SLC25A42: variants seen among roughly 807,000 people sequenced by gnomAD.
The protein encoded by SLC25A42 is solute carrier family 25 member 42, also known as mitochondrial coenzyme A transporter SLC25A42.
SLC25A42 carries 19 observed loss-of-function variants against 34.7 expected under a neutral mutation model. That is an observed-to-expected ratio of 0.55 (90% CI 0.38 to 0.80). SLC25A42 has a LOEUF of 0.80. Among genes scored for constraint, SLC25A42 ranks in the 30% least tolerant of loss-of-function variants. The pLI, the probability that SLC25A42 is intolerant of heterozygous loss-of-function variation, is 0.00. For missense variants in SLC25A42, 364 were observed against 441.3 expected (o/e 0.82, Z 1.57); for synonymous variants, 205 against 191.2 (o/e 1.07, Z -0.59).
At chr19:19,104,773 T>C in intron 3 of SLC25A42, 140 bp from the exon 4 acceptor site, 1 of 908,052 alleles carries the variant, frequency 1.1e-6, no homozygotes, top group South Asian at 1.5e-5. Flanking sequence ...GGCTTGGGTG[T>C]CAGCTCAGCT....
chr19:19,106,466 A>T, intron 6 of SLC25A42, 81 bp downstream of exon 6: 1 of 1,178,378 alleles, frequency 8.5e-7, no homozygotes. Flanking sequence ...CCCTCTCTCT[A>T]TCGGGCCCCA....
chr19:19,110,663 T>G lies in SLC25A42; in HGVS notation c.744T>G (p.Asp248Glu). The G allele has an allele frequency of 6.4e-7, 1 of 1,560,428 alleles. No individual in the cohort carries two copies. The highest frequency in any genetic ancestry group is 8.7e-7 in the Non-Finnish European group (1 of 1,153,572). ...GGCAGTCGGCCTCGTACCCGCTGGA[T>G]GTGGTGCGGCGGCGCATGCAGACGG... is the stretch of plus-strand genomic sequence containing the variant. ...LIGQSASYPLDVVRRRMQTAG... is the reference protein window; with the variant it reads ...LIGQSASYPLEVVRRRMQTAG... Residue 248 changes from aspartate (D) to glutamate (E), a missense_variant, in exon 8 of 8, where the codon GAT becomes GAG. Coordinates refer to ENST00000318596, the MANE Select transcript of SLC25A42 (RefSeq NM_178526.5).
chr19:19,105,694 G>C lies in SLC25A42; in HGVS notation c.347G>C (p.Arg116Pro). ...TTCAGCGCACACGAGGAGTACAAGC[G>C]CATCCTGGGCAGCTACTATGGCTTC... Reference protein sequence around the residue: ...IQFSAHEEYKRILGSYYGFRG... With the variant: ...IQFSAHEEYKPILGSYYGFRG... The change falls in exon 5 of 8, where the codon CGC (arginine) becomes CCC (proline). Residue 116 changes from arginine (R) to proline (P), a missense_variant. Transcript: ENST00000318596. The C allele has an allele frequency of 6.2e-7, 1 of 1,604,216 alleles. No homozygotes were observed. Among genetic ancestry groups the C allele is most frequent in the East Asian group, 2.2e-5 (1 of 44,468 alleles).
chr19:19,088,923 T>A (rs1159970765), intron 1 of SLC25A42, among the ~76,000 whole-genome samples: 1 of 152,058 alleles, frequency 6.6e-6, no homozygotes, highest in Non-Finnish European at 1.5e-5. Flanking sequence ...TTCTTCTGCC[T>A]CGGCCTCTCA....
chr19:19,064,328 A>C (rs1599658504), intron 1 of SLC25A42, among the ~76,000 whole-genome samples: 2 of 145,234 alleles, frequency 1.4e-5, no homozygotes, highest in Admixed American at 7.0e-5. Flanking sequence ...GACATCCCCC[A>C]TACACTTTAG....
At chr19:19,074,739 G>T (rs781614127) in intron 1 of SLC25A42, among the ~76,000 whole-genome samples, 14 of 152,016 alleles carry the variant, frequency 9.2e-5, no homozygotes, top group Non-Finnish European at 1.6e-4. Flanking sequence ...GTGTGTGTGA[G>T]TGTATGTGTG....
chr19:19,083,356 C>T (rs1205377544), intron 1 of SLC25A42, among the ~76,000 whole-genome samples: 1 of 152,232 alleles, frequency 6.6e-6, no homozygotes, highest in Admixed American at 6.5e-5. Flanking sequence ...TAAAAATTCC[C>T]TTTTGTCATG....
chr19:19,095,763 G>A (rs2059761207), intron 1 of SLC25A42, among the ~76,000 whole-genome samples: 2 of 152,218 alleles, frequency 1.3e-5, no homozygotes, highest in South Asian at 4.1e-4. Context: ...CAGTGGTGTT[G>A]GCACTGAGCA....
intron 1 of SLC25A42, among the ~76,000 whole-genome samples, chr19:19,066,329 G>A (rs1421096030): frequency 6.6e-6 from 1 of 152,142 alleles, no homozygotes; most frequent in Non-Finnish European, 1.5e-5. Context: ...AGGGGTCGGG[G>A]GAGGTATATA....
At chr19:19,070,012 G>A (rs529601260) in intron 1 of SLC25A42, among the ~76,000 whole-genome samples, 2 of 151,678 alleles carry the variant, frequency 1.3e-5, no homozygotes, top group African/African-American at 4.8e-5. Context: ...TTATTTTTTT[G>A]AGACAGAGTC....
At chr19:19,065,498 A>G (rs947884850) in intron 1 of SLC25A42, among the ~76,000 whole-genome samples, 4 of 152,206 alleles carry the variant, frequency 2.6e-5, no homozygotes, top group Middle Eastern at 3.2e-3. Flanking sequence ...GAAGGAGGAC[A>G]GTGGCTTTGT....
chr19:19,101,732 C>A (rs371442537), intron 2 of SLC25A42, 49 bp from the exon 3 acceptor site: 8 of 1,537,382 alleles, frequency 5.2e-6, no homozygotes, highest in Non-Finnish European at 7.1e-6. Flanking sequence ...AGGTCCTCTG[C>A]GGAGCCGCCC....
chr19:19,081,947 TG>T lies in SLC25A42; in HGVS notation c.-34-14142del, dbSNP rs1293844466. 1.3e-5 allele frequency among the ~76,000 whole-genome samples: 2 copies of T among 152,198 alleles called. No individual in the cohort carries two copies. The highest frequency in any genetic ancestry group is 2.9e-5 in the Non-Finnish European group (2 of 68,030). On this transcript the variant is annotated intron_variant, in intron 1 of 7. Coordinates refer to ENST00000318596, the MANE Select transcript of SLC25A42 (RefSeq NM_178526.5). This position sits in a 1 kb window ranked among gnomAD's most constrained non-coding sequence, Gnocchi z 4.5. Reference sequence around the variant, plus strand: ...GAGGCCGACCTGATCACCTGGTCACTGGTCGCAAGTCTGGGTACACGTTGTC... The same window carrying T: ...GAGGCCGACCTGATCACCTGGTCACTGTCGCAAGTCTGGGTACACGTTGTC...
chr19:19,105,464 G>T, intron 4 of SLC25A42, 97 bp from the exon 5 acceptor site: 1 of 1,448,446 alleles, frequency 6.9e-7, no homozygotes, highest in Non-Finnish European at 9.4e-7. Context: ...GGTCACCCCG[G>T]CCCCGCCTCC....
rs1469206946 is a variant in SLC25A42, at chr19:19,110,507, C to CGGGCGCG, written c.650-59_650-58insCGCGGGG. 3 of 1,340,906 alleles carry CGGGCGCG rather than the reference C, an allele frequency of 2.2e-6. No individual in the cohort carries two copies. In the African/African-American group the frequency reaches 4.7e-5, roughly 21 times the overall value. The allele number at this position is 1,340,906 out of a possible 1,614,324, so 83.1% of individuals were successfully genotyped here. A position where few individuals can be genotyped will look rare whatever the true frequency, so the allele number is the denominator to read the frequency against. ...TCCTAGGGGTGCAAAGGCGCGCGCA[C>CGGGCGCG]GGGTGCGGGGTGCGCGCCCCCTCGC... On this transcript the variant is annotated intron_variant, in intron 7 of 7. Coordinates refer to ENST00000318596, the MANE Select transcript of SLC25A42 (RefSeq NM_178526.5).
Position 19,106,284 on chromosome 19 carries a change from G to T in SLC25A42, c.396G>T (p.Trp132Cys). 1 of 1,612,198 alleles carries T rather than the reference G, an allele frequency of 6.2e-7. No individual in the cohort carries two copies. Reference sequence around the variant, plus strand: ...CCCTGTTCAGAGCCCTGCCCCCTTGGCCTCGCCTCTTCGCCGGCGCACTGG... The same window carrying T: ...CCCTGTTCAGAGCCCTGCCCCCTTGTCCTCGCCTCTTCGCCGGCGCACTGG... ...YGFRGEALPP[W>C]PRLFAGALAG... Residue 132 changes from tryptophan to cysteine, a missense_variant, in exon 6 of 8, where the codon TGG (tryptophan) becomes TGT (cysteine). By Grantham distance (215) the Trp-to-Cys change is radical. Transcript: ENST00000318596.
intron 2 of SLC25A42, among the ~76,000 whole-genome samples, chr19:19,098,247 G>A (rs1401466762): frequency 6.6e-6 from 1 of 152,150 alleles, no homozygotes; most frequent in African/African-American, 2.4e-5. Flanking sequence ...CGTCCTCCAG[G>A]TGCCACTGGT....
chr19:19,081,208 A>G lies in SLC25A42; in HGVS notation c.-34-14883A>G, dbSNP rs2059680013. ...GGGAAGAAGGAGAAATACCCTCCCC[A>G]CAGACTTGTCATTGGGGCACATTTC... On this transcript the variant is annotated intron_variant, in intron 1 of 7. Coordinates refer to ENST00000318596, the MANE Select transcript of SLC25A42 (RefSeq NM_178526.5). This position sits in a 1 kb window ranked among gnomAD's most constrained non-coding sequence, Gnocchi z 4.5. Among the ~76,000 whole-genome samples the G allele has an allele frequency of 6.6e-6, 1 of 151,978 alleles. No individual in the cohort carries two copies. Among genetic ancestry groups the G allele is most frequent in the South Asian group, 2.1e-4 (1 of 4,824 alleles).
intron 1 of SLC25A42, among the ~76,000 whole-genome samples, chr19:19,089,974 CA>C (rs1163918092): frequency 6.6e-6 from 1 of 152,232 alleles, no homozygotes; most frequent in African/African-American, 2.4e-5. Context: ...GGAGGGAGAG[CA>C]GGAGTCTGCC....
Sources: gnomAD v4.1 joint callset for allele counts (sites outside exome capture counted in the v4.1 genomes callset) on GRCh38, gnomAD v4.1.1 for gene constraint, Gnocchi (gnomAD v3.1) non-coding constraint, MANE v1.5 for transcripts, NCBI Gene and HGNC (gene_info 2026-07-23, HGNC 2026-07-21) for gene names.